The following PRICKLE2 variants were observed in gnomAD, a reference collection of about 807,000 sequenced individuals.
The protein encoded by PRICKLE2 is prickle-like protein 2.
In PRICKLE2, 21 loss-of-function variants were observed where a neutral mutation model predicts 81.4. That is an observed-to-expected ratio of 0.26 (90% CI 0.18 to 0.37). The LOEUF (loss-of-function observed/expected upper bound fraction) is 0.37. PRICKLE2 is among the 10% of genes least tolerant of loss of function. PRICKLE2 has a pLI of 1.00. For synonymous variants in PRICKLE2, 456 were observed against 421.5 expected (o/e 1.08, Z -1.00); for missense variants, 940 against 1,109.0 (o/e 0.85, Z 2.16).
intron 1 of PRICKLE2, among the ~76,000 whole-genome samples, chr3:64,208,912 C>G (rs554772224): frequency 9.2e-5 from 14 of 152,294 alleles, no homozygotes; most frequent in African/African-American, 3.4e-4. Context: ...ATCCATCTAC[C>G]TGTCCATCCA....
At chr3:64,200,314 T>C (rs957576375) in intron 1 of PRICKLE2, 1 of 152,236 alleles carries the variant, frequency 6.6e-6, no homozygotes, top group African/African-American at 2.4e-5. Flanking sequence ...CATCCCCTTT[T>C]ATTGTTGAAT....
intron 2 of PRICKLE2, among the ~76,000 whole-genome samples, chr3:64,264,066 C>T (rs1369511657): frequency 2.0e-5 from 3 of 151,974 alleles, no homozygotes; most frequent in Non-Finnish European, 2.9e-5. Flanking sequence ...CCCCCCACTC[C>T]ACAACCCGCC....
At chr3:64,235,253 AT>A (rs1473532561) in intron 2 of PRICKLE2, among the ~76,000 whole-genome samples, 1 of 152,160 alleles carries the variant, frequency 6.6e-6, no homozygotes, top group Admixed American at 6.5e-5. Flanking sequence ...CTTCACTGAT[AT>A]TCTCTACTTG....
chr3:64,160,490 T>C (rs1348462782), intron 3 of PRICKLE2, among the ~76,000 whole-genome samples: 1 of 152,224 alleles, frequency 6.6e-6, no homozygotes, highest in African/African-American at 2.4e-5. Flanking sequence ...CAAGTGATCC[T>C]TGACACCAAG....
intron 1 of PRICKLE2, among the ~76,000 whole-genome samples, chr3:64,224,000 C>A (rs1026184269): frequency 6.6e-6 from 1 of 152,234 alleles, no homozygotes; most frequent in African/African-American, 2.4e-5. Context: ...ATTCATGGCA[C>A]ACTGGAGCCC....
At chr3:64,134,159 G>A (rs1193365409) in intron 7 of PRICKLE2, among the ~76,000 whole-genome samples, 3 of 152,214 alleles carry the variant, frequency 2.0e-5, no homozygotes, top group Non-Finnish European at 4.4e-5. Context: ...TCAGGAAGCT[G>A]AGGGATTGAG....
chr3:64,257,379 G>A (rs1040551400), intron 2 of PRICKLE2, among the ~76,000 whole-genome samples: 1 of 152,166 alleles, frequency 6.6e-6, no homozygotes, highest in African/African-American at 2.4e-5. Context: ...GGGGATGGGA[G>A]TATGAAAGGG....
chr3:64,121,975 T>C (rs1020396220), intron 7 of PRICKLE2, among the ~76,000 whole-genome samples: 2 of 152,132 alleles, frequency 1.3e-5, no homozygotes, highest in Non-Finnish European at 2.9e-5. Context: ...CCCAGCTGAG[T>C]CTGTGATTTT....
chr3:64,239,066 C>A (rs549213460), intron 2 of PRICKLE2, among the ~76,000 whole-genome samples: 4 of 152,252 alleles, frequency 2.6e-5, no homozygotes, highest in African/African-American at 7.2e-5. Flanking sequence ...GGGGACAGGC[C>A]CAGACGGATG....
chr3:64,253,228 A>G (rs903097959), intron 2 of PRICKLE2, among the ~76,000 whole-genome samples: 1 of 152,252 alleles, frequency 6.6e-6, no homozygotes, highest in African/African-American at 2.4e-5. Flanking sequence ...TGAGGTAGAT[A>G]CCATAGTTAA....
intron 1 of PRICKLE2, among the ~76,000 whole-genome samples, chr3:64,206,975 C>G (rs1347237113): frequency 6.6e-6 from 1 of 152,216 alleles, no homozygotes; most frequent in Non-Finnish European, 1.5e-5. Flanking sequence ...TCATGGCTCA[C>G]TGCAGCCTCG....
At chr3:64,107,530 G>A (rs962790409) in intron 7 of PRICKLE2, among the ~76,000 whole-genome samples, 7 of 152,152 alleles carry the variant, frequency 4.6e-5, no homozygotes, top group African/African-American at 1.7e-4. Flanking sequence ...AAGACAGAGA[G>A]CTGTGTTTCT....
rs184776044 is a variant in PRICKLE2, at chr3:64,248,025, A to G, written c.129-49058T>C. ...TCAATCCACAAAACGTTAAAACCCA[A>G]CCATCCGCTATAAAACTTATGTAAC... On this transcript the variant is annotated intron_variant, in intron 2 of 8. Transcript: ENST00000295902. Among the ~76,000 whole-genome samples, 251 of 152,308 alleles carry G rather than the reference A, an allele frequency of 1.6e-3. 2 individuals carry two copies. Among genetic ancestry groups the G allele is most frequent in the African/African-American group, 5.9e-3 (245 of 41,574 alleles).
At chr3:64,119,651 A>T (rs965312670) in intron 7 of PRICKLE2, among the ~76,000 whole-genome samples, 2 of 152,168 alleles carry the variant, frequency 1.3e-5, no homozygotes, top group African/African-American at 4.8e-5. Flanking sequence ...CAGCTTGGAG[A>T]TTTCTCAAAG....
intron 2 of PRICKLE2, among the ~76,000 whole-genome samples, chr3:64,188,307 G>T (rs186555730): frequency 6.6e-6 from 1 of 152,204 alleles, no homozygotes; most frequent in Non-Finnish European, 1.5e-5. Flanking sequence ...GATGCCCAAG[G>T]TTACAGAGTT....
chr3:64,156,234 G>A (rs1292417465), intron 5 of PRICKLE2, among the ~76,000 whole-genome samples: 1 of 152,174 alleles, frequency 6.6e-6, no homozygotes, highest in Non-Finnish European at 1.5e-5. Flanking sequence ...ATTAGTGTTA[G>A]AATTCAAATT....
intron 2 of PRICKLE2, among the ~76,000 whole-genome samples, chr3:64,165,145 G>A (rs996865507): frequency 1.6e-4 from 24 of 152,094 alleles, no homozygotes; most frequent in Non-Finnish European, 8.8e-5. Flanking sequence ...CGGTTCCATC[G>A]ACCCTCCTCT....
intron 2 of PRICKLE2, among the ~76,000 whole-genome samples, chr3:64,251,305 C>T (rs889873995): frequency 1.3e-5 from 2 of 152,220 alleles, no homozygotes; most frequent in Non-Finnish European, 2.9e-5. Flanking sequence ...TCACAGTCCA[C>T]TTTGAATCAG....
Position 64,099,894 on chromosome 3 carries a change from C to T in PRICKLE2, c.1692G>A (p.Gln564=). 6.2e-7 allele frequency: 1 copy of T among 1,614,194 alleles called. No individual in the cohort carries two copies. The highest frequency in any genetic ancestry group is 8.5e-7 in the Non-Finnish European group (1 of 1,180,030). ...GCATGGAAAATCGGGATAGGTGCTCCTGGCGCTTGGCACCACCATCAGCAG... is the reference window on the plus strand; with the variant it reads ...GCATGGAAAATCGGGATAGGTGCTCTTGGCGCTTGGCACCACCATCAGCAG... ...GLSADGGAKR[Q]EHLSRFSMPD... is the part of the protein sequence containing the mutation. The change falls in exon 8 of 8, where the codon CAG becomes CAA. Residue 564 remains glutamine, a synonymous_variant. Coordinates refer to ENST00000638394, the MANE Select transcript of PRICKLE2 (RefSeq NM_198859.4). The surrounding 1 kb of genome is among the most constrained non-coding windows in gnomAD (Gnocchi z 4.3).
Sources: gnomAD v4.1 joint callset for allele counts (sites outside exome capture counted in the v4.1 genomes callset) on GRCh38, gnomAD v4.1.1 for gene constraint, Gnocchi (gnomAD v3.1) non-coding constraint, MANE v1.5 for transcripts, NCBI Gene and HGNC (gene_info 2026-07-23, HGNC 2026-07-21) for gene names.